DDX42: variants seen among roughly 807,000 people sequenced by gnomAD.
The protein encoded by DDX42 is ATP-dependent RNA helicase DDX42.
A neutral mutation model predicts 101.5 loss-of-function variants in DDX42; 22 were observed. That is an observed-to-expected ratio of 0.22 (90% CI 0.15 to 0.31). The LOEUF (loss-of-function observed/expected upper bound fraction) is 0.31, where lower values mean the gene tolerates loss of function less well. Among genes scored for constraint, DDX42 ranks in the 10% least tolerant of loss-of-function variants. The pLI, the probability that DDX42 is intolerant of heterozygous loss-of-function variation, is 1.00. For synonymous variants in DDX42, 402 were observed against 401.2 expected (o/e 1.00, Z -0.02); for missense variants, 849 against 1,199.9 (o/e 0.71, Z 4.32).
chr17:63,818,554 A>T lies in DDX42; in HGVS notation c.*156A>T. On this transcript the variant is annotated 3_prime_UTR_variant, in exon 18 of 18. Transcript: ENST00000389924. ...GAGACATTACCCCTTCATCAGAAGG[A>T]ATTTTCGGATGTTTTCTTGGGAAGC... The T allele has an allele frequency of 1.5e-6, 1 of 677,762 alleles. No individual in the cohort carries two copies. Among genetic ancestry groups the T allele is most frequent in the Non-Finnish European group, 2.4e-6 (1 of 417,778 alleles). The allele number at this position is 677,762 out of a possible 1,614,324, so 42.0% of individuals were successfully genotyped here.
chr17:63,794,131 ACT>A (rs1567735329), intron 3 of DDX42, among the ~76,000 whole-genome samples: 1 of 151,448 alleles, frequency 6.6e-6, no homozygotes, highest in Non-Finnish European at 1.5e-5. Flanking sequence ...CCTACTTTAC[ACT>A]CTCGTAAATT....
chr17:63,793,131 C>G (rs1469321798), intron 3 of DDX42, among the ~76,000 whole-genome samples: 1 of 152,064 alleles, frequency 6.6e-6, no homozygotes, highest in African/African-American at 2.4e-5. Context: ...TAAACACATA[C>G]AAAGATAGAA....
At chr17:63,803,391 C>T (rs1333908033) in intron 6 of DDX42, among the ~76,000 whole-genome samples, 1 of 151,766 alleles carries the variant, frequency 6.6e-6, no homozygotes, top group East Asian at 2.0e-4. Context: ...GAGTTTGAGA[C>T]CAGCCTGGCC....
intron 15 of DDX42, among the ~76,000 whole-genome samples, chr17:63,815,322 G>GA (rs2039963548): frequency 2.0e-5 from 3 of 152,334 alleles, no homozygotes; most frequent in African/African-American, 7.2e-5. Flanking sequence ...GGAGAGCCTT[G>GA]AGGGAGGGAG....
chr17:63,780,213 T>A (rs2039470382), intron 1 of DDX42, among the ~76,000 whole-genome samples: 1 of 152,042 alleles, frequency 6.6e-6, no homozygotes, highest in Non-Finnish European at 1.5e-5. Flanking sequence ...GGAGAATCAC[T>A]TCAACCTGGG....
chr17:63,774,895 C>G (rs2039399576), intron 1 of DDX42: 1 of 152,294 alleles, frequency 6.6e-6, no homozygotes, highest in Non-Finnish European at 1.5e-5. Flanking sequence ...GAGAGCGTAT[C>G]TGATGTGAAT....
chr17:63,813,125 C>A, intron 14 of DDX42, 103 bp from the exon 15 acceptor site: 1 of 1,095,094 alleles, frequency 9.1e-7, no homozygotes, highest in Non-Finnish European at 1.3e-6. Context: ...ATGCGCTTTG[C>A]CTAGATAAAG....
intron 6 of DDX42, among the ~76,000 whole-genome samples, chr17:63,804,574 T>C (rs1413093280): frequency 6.6e-6 from 1 of 152,354 alleles, no homozygotes; most frequent in East Asian, 1.9e-4. Flanking sequence ...TTAAATGTTA[T>C]ATGGTGAAAT....
chr17:63,779,264 T>C (rs2039458119), intron 1 of DDX42, among the ~76,000 whole-genome samples: 2 of 152,064 alleles, frequency 1.3e-5, no homozygotes, highest in African/African-American at 4.8e-5. Flanking sequence ...TTTTTGTTTG[T>C]TTTGGTTTTG....
intron 15 of DDX42, 33 bp from the exon 16 acceptor site, chr17:63,815,530 C>T (rs2039966710): frequency 1.3e-6 from 2 of 1,511,344 alleles, no homozygotes; most frequent in African/African-American, 2.8e-5. Context: ...TTTCTCCCTC[C>T]CTTGACTTAA....
intron 2 of DDX42, among the ~76,000 whole-genome samples, chr17:63,787,976 T>G (rs2039569434): frequency 6.8e-6 from 1 of 146,422 alleles, no homozygotes; most frequent in Admixed American, 7.0e-5. Context: ...GCAATCTCGG[T>G]TCACCGCAAC....
rs1291498671 is a variant in DDX42, at chr17:63,806,648, G to A, written c.840G>A (p.Gln280=). The change falls in exon 8 of 18, where the codon CAG becomes CAA. Residue 280 remains glutamine (Q), a synonymous_variant. Transcript: ENST00000389924. The part of the protein sequence containing the change: ...KSEYTQPTPI[Q]CQGVPVALSG... ...AATACACACAGCCCACTCCAATACA[G>A]TGCCAGGTAAGTAAAACATAATGAA... 1 of 1,601,702 alleles carries A rather than the reference G, an allele frequency of 6.2e-7. No individual in the cohort carries two copies.
At chr17:63,796,299 T>A (rs1275414725) in intron 3 of DDX42, among the ~76,000 whole-genome samples, 1 of 152,206 alleles carries the variant, frequency 6.6e-6, no homozygotes, top group Non-Finnish European at 1.5e-5. Flanking sequence ...TAAATTCTTT[T>A]GCTTGGCCTT....
At chr17:63,808,773 ATTTGT>A (rs2039873804) in intron 9 of DDX42, 42 bp from the exon 10 acceptor site, 1 of 1,605,722 alleles carries the variant, frequency 6.2e-7, no homozygotes, top group African/African-American at 1.3e-5. Flanking sequence ...TGTGACAGGT[ATTTGT>A]TAGTGTCACA....
intron 2 of DDX42, among the ~76,000 whole-genome samples, chr17:63,787,610 G>C (rs1264272601): frequency 6.6e-6 from 1 of 152,116 alleles, no homozygotes; most frequent in South Asian, 2.1e-4. Flanking sequence ...AGGCCGAGAC[G>C]GATGGATCAT....
chr17:63,782,300 C>G (rs2039497936), intron 1 of DDX42, among the ~76,000 whole-genome samples: 1 of 152,140 alleles, frequency 6.6e-6, no homozygotes, highest in African/African-American at 2.4e-5. Context: ...AAAGAATTGT[C>G]TTACTTCTTT....
chr17:63,798,209 C>T, intron 4 of DDX42, 110 bp downstream of exon 4: 1 of 933,662 alleles, frequency 1.1e-6, no homozygotes, highest in Non-Finnish European at 1.6e-6. Flanking sequence ...CACTTGTGTA[C>T]TTTACTTGAA....
At chr17:63,807,132 GTTTTGTTTTTGT>G (rs371074132) in intron 8 of DDX42, among the ~76,000 whole-genome samples, 2 of 151,960 alleles carry the variant, frequency 1.3e-5, no homozygotes, top group African/African-American at 4.8e-5. Flanking sequence ...CAATTTTTCT[GTTTTGTTTTTGT>G]TTTTGTTTTT....
In DDX42 at chr17:63,799,599, G is replaced by A. The variant is rs761358438; in HGVS notation, c.445G>A (p.Asp149Asn). Residue 149 changes from aspartate to asparagine, a missense_variant, in exon 5 of 18, where the codon GAT becomes AAT. Physicochemically the swap from Asp to Asn is conservative, Grantham distance 23 (BLOSUM62 1). Transcript: ENST00000389924. Reference protein sequence around the residue: ...KERKNVKGIRDDIEEEDDQEA... With the variant: ...KERKNVKGIRNDIEEEDDQEA... ...CGCTTGTTTTTCCAGGGGTATTCGA[G>A]ATGACATTGAAGAGGAAGATGACCA... The A allele has an allele frequency of 6.2e-7, 1 of 1,612,834 alleles. No homozygotes were observed.
Sources: allele counts gnomAD v4.1 joint callset (sites outside exome capture counted in the v4.1 genomes callset), GRCh38; gene constraint gnomAD v4.1.1; transcripts MANE v1.5; gene names NCBI Gene and HGNC (gene_info 2026-07-23, HGNC 2026-07-21).